The following COL10A1 variants were observed in gnomAD, a reference collection of about 807,000 sequenced individuals.
COL10A1 encodes collagen type X alpha 1 chain.
Under a neutral mutation model 18.2 loss-of-function variants are expected in COL10A1, and 10 were observed. That is an observed-to-expected ratio of 0.55 (90% CI 0.34 to 0.93). The LOEUF (loss-of-function observed/expected upper bound fraction) is 0.93, where lower values mean the gene tolerates loss of function less well. Among genes scored for constraint, COL10A1 ranks in the 40% least tolerant of loss-of-function variants. The pLI is 0.02. For missense variants in COL10A1, 897 were observed against 853.5 expected (o/e 1.05, Z -0.64); for synonymous variants, 330 against 316.6 (o/e 1.04, Z -0.45).
the COL10A1 span, among the ~76,000 whole-genome samples, chr6:116,215,308 A>T: frequency 9.0e-4 from 137 of 152,300 alleles, no homozygotes; most frequent in African/African-American, 3.2e-3. Flanking sequence ...ATTGCAAAAC[A>T]TGGTCTCCAA....
chr6:116,188,840 T>A, the COL10A1 span, among the ~76,000 whole-genome samples: 1 of 151,954 alleles, frequency 6.6e-6, no homozygotes, highest in Non-Finnish European at 1.5e-5. Flanking sequence ...AACTTCTGAT[T>A]TAAGGAGAGA....
At chr6:116,162,660 G>C (rs1780362526), upstream of COL10A1, among the ~76,000 whole-genome samples, 1 of 152,100 alleles carries the variant, frequency 6.6e-6, no homozygotes, top group African/African-American at 2.4e-5. Context: ...TTGATGTGCT[G>C]TTGGATTCAG....
At chr6:116,135,285 T>G (rs1156478703) in intron 1 of COL10A1, among the ~76,000 whole-genome samples, 3 of 152,158 alleles carry the variant, frequency 2.0e-5, no homozygotes, top group African/African-American at 7.2e-5. Context: ...CATTCAAGTT[T>G]ATAAAATGAA....
intron 1 of COL10A1, among the ~76,000 whole-genome samples, chr6:116,140,269 C>G (rs112938061): frequency 2.5e-4 from 38 of 152,272 alleles, no homozygotes; most frequent in African/African-American, 9.1e-4. Context: ...CCCTTACAAA[C>G]TAGCTGAAAT....
chr6:116,149,464 T>A (rs1779980640), intron 1 of COL10A1, among the ~76,000 whole-genome samples: 1 of 152,186 alleles, frequency 6.6e-6, no homozygotes, highest in African/African-American at 2.4e-5. Flanking sequence ...AAGAGAACAC[T>A]AACCTATTCA....
the COL10A1 span, among the ~76,000 whole-genome samples, chr6:116,191,763 A>G: frequency 6.6e-6 from 1 of 152,044 alleles, no homozygotes; most frequent in African/African-American, 2.4e-5. Context: ...TGTTTCTCCT[A>G]ATACTTCAAT....
the COL10A1 span, among the ~76,000 whole-genome samples, chr6:116,165,076 G>A: frequency 3.0e-5 from 4 of 134,022 alleles, no homozygotes; most frequent in Admixed American, 8.2e-5. Context: ...CAGTCTAGGC[G>A]ACAGAGCGAG....
chr6:116,205,606 GA>G, the COL10A1 span, among the ~76,000 whole-genome samples: 3 of 151,482 alleles, frequency 2.0e-5, no homozygotes, highest in African/African-American at 4.9e-5. Flanking sequence ...AATTGGGGGG[GA>G]AAAAAGGCTG....
chr6:116,206,105 A>G, the COL10A1 span, among the ~76,000 whole-genome samples: 1 of 151,942 alleles, frequency 6.6e-6, no homozygotes, highest in Admixed American at 6.6e-5. Context: ...TTTTCATAGC[A>G]TATGTTTCAA....
chr6:116,121,207 C>T lies in COL10A1; in HGVS notation c.909G>A (p.Leu303=), dbSNP rs748899727. ...GTCCTCTTTCTCCCTTCAGGCCTGG[C>T]AAGCCTGGTTTCCCAAAGCCAGGAG... The part of the protein sequence containing the change: ...PGPPGFGKPG[L]PGLKGERGPA... The change falls in exon 3 of 3, where the codon TTG becomes TTA. Residue 303 remains leucine (L), a synonymous_variant. Coordinates refer to ENST00000651968, the MANE Select transcript of COL10A1 (RefSeq NM_000493.4). 6.2e-7 allele frequency: 1 copy of T among 1,613,520 alleles called. No individual in the cohort carries two copies. Among genetic ancestry groups the T allele is most frequent in the African/African-American group, 1.3e-5 (1 of 74,852 alleles).
chr6:116,182,690 A>C, the COL10A1 span, among the ~76,000 whole-genome samples: 1 of 151,848 alleles, frequency 6.6e-6, no homozygotes, highest in Non-Finnish European at 1.5e-5. Context: ...TCTTCTTTTT[A>C]GAATTGTCTC....
chr6:116,147,920 AG>A (rs1779938662), intron 1 of COL10A1, among the ~76,000 whole-genome samples: 1 of 150,536 alleles, frequency 6.6e-6, no homozygotes, highest in Non-Finnish European at 1.5e-5. Context: ...TGGGAGGCGG[AG>A]GTTGCAGGGA....
chr6:116,125,619 T>G (rs1233588182), intron 1 of COL10A1, 112 bp from the exon 2 acceptor site: 10 of 858,648 alleles, frequency 1.2e-5, no homozygotes, highest in Non-Finnish European at 1.8e-5. Flanking sequence ...TAACCTATCC[T>G]ATATATTTTT....
At chr6:116,129,799 G>A (rs1000219478), upstream of COL10A1, among the ~76,000 whole-genome samples, 6 of 152,262 alleles carry the variant, frequency 3.9e-5, no homozygotes, top group South Asian at 2.1e-4. Context: ...TTGAAAAGCC[G>A]TGTCATCTGT....
the COL10A1 span, among the ~76,000 whole-genome samples, chr6:116,214,457 G>A: frequency 6.6e-6 from 1 of 152,064 alleles, no homozygotes; most frequent in Non-Finnish European, 1.5e-5. Context: ...ACCATGTTCT[G>A]CTAGGAGAAA....
the COL10A1 span, among the ~76,000 whole-genome samples, chr6:116,216,264 A>G: frequency 6.6e-6 from 1 of 152,104 alleles, no homozygotes; most frequent in East Asian, 1.9e-4. Flanking sequence ...AGAGCCTGTG[A>G]TTTCCAATGA....
At chr6:116,148,114 A>G (rs1779945028) in intron 1 of COL10A1, among the ~76,000 whole-genome samples, 1 of 152,242 alleles carries the variant, frequency 6.6e-6, no homozygotes, top group Non-Finnish European at 1.5e-5. Context: ...TGTAAGATAC[A>G]TAATTGATAT....
intron 1 of COL10A1, among the ~76,000 whole-genome samples, chr6:116,156,276 G>A (rs991894819): frequency 2.6e-5 from 4 of 151,536 alleles, no homozygotes; most frequent in African/African-American, 7.3e-5. Flanking sequence ...CTAATTTTCC[G>A]GCAAAACTAA....
chr6:116,191,461 T>G, the COL10A1 span, among the ~76,000 whole-genome samples: 1 of 152,058 alleles, frequency 6.6e-6, no homozygotes. Flanking sequence ...TGTAAGAGGT[T>G]TCTACTTAGT....
Sources: allele counts gnomAD v4.1 joint callset (sites outside exome capture counted in the v4.1 genomes callset), GRCh38; gene constraint gnomAD v4.1.1; transcripts MANE v1.5; gene names NCBI Gene and HGNC (gene_info 2026-07-23, HGNC 2026-07-21).